TBCK: variants seen among roughly 807,000 people sequenced by gnomAD.
The protein encoded by TBCK is TBC domain-containing protein kinase-like protein.
A neutral mutation model predicts 113.4 loss-of-function variants in TBCK; 99 were observed. The ratio of observed to expected loss-of-function variants is 0.87; its 90% confidence interval spans 0.74 to 1.03. TBCK has a LOEUF of 1.03. Ranked by LOEUF, TBCK falls within the 50% of genes least tolerant of loss-of-function variation. TBCK has a pLI of 0.00. For synonymous variants in TBCK, 369 were observed against 370.8 expected (o/e 1.00, Z 0.05); for missense variants, 1,045 against 1,061.3 (o/e 0.98, Z 0.21).
At chr4:106,084,331 G>A (rs978116113) in intron 25 of TBCK, among the ~76,000 whole-genome samples, 1 of 152,056 alleles carries the variant, frequency 6.6e-6, no homozygotes, top group Non-Finnish European at 1.5e-5. Flanking sequence ...TGGAAGAAAG[G>A]ATATTGGAGT....
intron 12 of TBCK, chr4:106,237,471 T>A: frequency 2.2e-6 from 1 of 455,574 alleles, no homozygotes; most frequent in South Asian, 1.6e-5. Flanking sequence ...GCAAGGTGAT[T>A]AAAGTTAATG....
At chr4:106,229,645 C>T (rs1309799890) in intron 19 of TBCK, among the ~76,000 whole-genome samples, 1 of 151,990 alleles carries the variant, frequency 6.6e-6, no homozygotes, top group Non-Finnish European at 1.5e-5. Context: ...GTTACTATAG[C>T]TCTGTAGTAT....
Position 106,077,909 on chromosome 4 carries a change from G to T in TBCK, c.2571+17573C>A, listed in dbSNP as rs151271759. On this transcript the variant is annotated intron_variant, in intron 25 of 25. Transcript: ENST00000394708. ...GATCAATGACATGCTAAACCATAAAGAAAGTTTCAACAAATTAAAAAAATT... is the reference window on the plus strand; with the variant it reads ...GATCAATGACATGCTAAACCATAAATAAAGTTTCAACAAATTAAAAAAATT... Among the ~76,000 whole-genome samples the T allele has an allele frequency of 2.4e-3, 370 of 152,136 alleles. 2 individuals are homozygous for T. Among genetic ancestry groups the T allele is most frequent in the African/African-American group, 8.5e-3 (353 of 41,536 alleles).
At chr4:106,157,648 G>A (rs1436106540) in intron 23 of TBCK, among the ~76,000 whole-genome samples, 1 of 152,082 alleles carries the variant, frequency 6.6e-6, no homozygotes, top group African/African-American at 2.4e-5. Flanking sequence ...TCAATGCAAT[G>A]TCACAATTCC....
intron 22 of TBCK, among the ~76,000 whole-genome samples, chr4:106,191,488 G>C (rs1235074389): frequency 6.6e-6 from 1 of 152,018 alleles, no homozygotes; most frequent in Non-Finnish European, 1.5e-5. Context: ...TTTTGTTCAG[G>C]AATGAGGTGG....
chr4:106,223,947 A>C (rs753872081), intron 19 of TBCK, among the ~76,000 whole-genome samples: 2 of 152,150 alleles, frequency 1.3e-5, no homozygotes, highest in Non-Finnish European at 2.9e-5. Context: ...AATTTTAATA[A>C]TCTTAGATAA....
chr4:106,083,286 T>TC (rs941766471), intron 25 of TBCK, among the ~76,000 whole-genome samples: 1 of 152,200 alleles, frequency 6.6e-6, no homozygotes, highest in African/African-American at 2.4e-5. Flanking sequence ...CCAAGACTTG[T>TC]CCCCACAGCC....
At chr4:106,192,612 T>C (rs1753783890) in intron 22 of TBCK, among the ~76,000 whole-genome samples, 1 of 152,026 alleles carries the variant, frequency 6.6e-6, no homozygotes, top group Non-Finnish European at 1.5e-5. Context: ...TTTAAATAAA[T>C]CCAAGGTATT....
intron 23 of TBCK, among the ~76,000 whole-genome samples, chr4:106,151,681 T>C (rs533220777): frequency 7.2e-5 from 11 of 152,166 alleles, no homozygotes; most frequent in Admixed American, 3.3e-4. Context: ...TGTTTTGCGT[T>C]GCATGGACAT....
At chr4:106,252,920 C>T (rs143265516) in intron 5 of TBCK, among the ~76,000 whole-genome samples, 132 of 152,188 alleles carry the variant, frequency 8.7e-4, no homozygotes, top group African/African-American at 3.1e-3. Flanking sequence ...TGACATAAAA[C>T]GTTTTTTGAA....
chr4:106,070,398 T>A (rs1737252094), intron 25 of TBCK, among the ~76,000 whole-genome samples: 1 of 152,198 alleles, frequency 6.6e-6, no homozygotes, highest in Non-Finnish European at 1.5e-5. Context: ...ATTGAGATAA[T>A]CATGTGGTTT....
intron 23 of TBCK, among the ~76,000 whole-genome samples, chr4:106,133,997 T>A (rs190085888): frequency 6.6e-6 from 1 of 150,474 alleles, no homozygotes; most frequent in East Asian, 2.0e-4. Flanking sequence ...GCAACAAGAG[T>A]GAGATTCCGT....
At chr4:106,120,635 T>C (rs10006089) in intron 23 of TBCK, among the ~76,000 whole-genome samples, 60,317 of 151,948 alleles carry the variant, frequency 0.4, 12,253 homozygotes, top group South Asian at 0.47. Flanking sequence ...CAGCAGACTG[T>C]CTCCTCAGGT....
At chr4:106,067,273 A>G (rs969084001) in intron 25 of TBCK, among the ~76,000 whole-genome samples, 6 of 152,118 alleles carry the variant, frequency 3.9e-5, no homozygotes, top group African/African-American at 1.4e-4. Flanking sequence ...CCATTTGTAT[A>G]TCTTCCTCAG....
At chr4:106,286,495 T>C (rs1371360640) in intron 3 of TBCK, among the ~76,000 whole-genome samples, 14 of 152,202 alleles carry the variant, frequency 9.2e-5, no homozygotes, top group Non-Finnish European at 2.1e-4. Flanking sequence ...ATTGATTGTA[T>C]CCTTATATAA....
intron 24 of TBCK, among the ~76,000 whole-genome samples, chr4:106,099,268 C>T (rs1051329879): frequency 1.3e-5 from 2 of 152,036 alleles, no homozygotes; most frequent in Non-Finnish European, 2.9e-5. Flanking sequence ...CAGAAACCAG[C>T]TCATGTTTTT....
intron 3 of TBCK, among the ~76,000 whole-genome samples, 163 bp downstream of exon 3, chr4:106,294,931 T>C (rs1264459662): frequency 1.3e-5 from 2 of 152,216 alleles, no homozygotes; most frequent in Non-Finnish European, 2.9e-5. Flanking sequence ...TAATGTTGAA[T>C]TCATATGTAA....
At chr4:106,123,856 T>C (rs1744788569) in intron 23 of TBCK, among the ~76,000 whole-genome samples, 1 of 148,454 alleles carries the variant, frequency 6.7e-6, no homozygotes. Context: ...CAATTCAAGA[T>C]GGATTAAAGA....
intron 25 of TBCK, among the ~76,000 whole-genome samples, chr4:106,057,829 C>T (rs902946940): frequency 2.6e-5 from 4 of 151,706 alleles, no homozygotes; most frequent in African/African-American, 7.3e-5. Context: ...CAATTTTAAT[C>T]ATTTGTATAC....
Sources: gnomAD v4.1 joint callset for allele counts (sites outside exome capture counted in the v4.1 genomes callset) on GRCh38, gnomAD v4.1.1 for gene constraint, MANE v1.5 for transcripts, NCBI Gene and HGNC (gene_info 2026-07-23, HGNC 2026-07-21) for gene names.